KAZN: variants seen among roughly 807,000 people sequenced by gnomAD.
KAZN encodes the protein kazrin, periplakin interacting protein, also known as kazrin.
In KAZN, 40 loss-of-function variants were observed where a neutral mutation model predicts 87.4. The ratio of observed to expected loss-of-function variants is 0.46; its 90% CI spans 0.36 to 0.60. The LOEUF (loss-of-function observed/expected upper bound fraction) is 0.60, where lower values mean the gene tolerates loss of function less well. KAZN is among the 20% of genes least tolerant of loss of function. The pLI is 0.00. For missense variants in KAZN, 898 were observed against 1,073.9 expected, an observed-to-expected ratio of 0.84 and a Z score of 2.29; for synonymous variants, 466 against 458.3, an observed-to-expected ratio of 1.02 and a Z score of -0.22.
chr1:14,165,677 T>C (rs1348600514), intron 1 of KAZN, among the ~76,000 whole-genome samples: 1 of 152,228 alleles, frequency 6.6e-6, no homozygotes, highest in Non-Finnish European at 1.5e-5. Flanking sequence ...TCTGTTGTCA[T>C]CAGCACCCTC....
intron 1 of KAZN, among the ~76,000 whole-genome samples, chr1:14,054,124 GA>G (rs1203104831): frequency 6.7e-6 from 1 of 150,068 alleles, no homozygotes; most frequent in African/African-American, 2.5e-5. Context: ...TCTACAAGTT[GA>G]AAAAAAACTC....
At chr1:15,088,272 C>T (rs997334422) in intron 8 of KAZN, among the ~76,000 whole-genome samples, 3 of 152,168 alleles carry the variant, frequency 2.0e-5, no homozygotes, top group Admixed American at 6.5e-5. Context: ...CCTGGGAGGC[C>T]GTAGTCTGCT....
At chr1:14,355,580 A>C (rs767869809) in intron 2 of KAZN, among the ~76,000 whole-genome samples, 5 of 151,966 alleles carry the variant, frequency 3.3e-5, no homozygotes, top group Admixed American at 6.6e-5. Flanking sequence ...TCCATCCCCT[A>C]ATCTCCCAAC....
intron 2 of KAZN, among the ~76,000 whole-genome samples, chr1:14,218,420 A>G (rs1010487273): frequency 1.3e-5 from 2 of 152,136 alleles, no homozygotes; most frequent in Admixed American, 1.3e-4. Flanking sequence ...CTAAAAGAAA[A>G]CAGCTATTCT....
intron 2 of KAZN, among the ~76,000 whole-genome samples, chr1:15,032,227 T>C (rs13374853): frequency 0.8 from 109,064 of 135,852 alleles, 44,268 homozygotes; most frequent in Middle Eastern, 0.86. Context: ...GAATCTTGCT[T>C]TGTTGCCCAG....
chr1:14,021,125 G>A (rs1640805871), intron 1 of KAZN, among the ~76,000 whole-genome samples: 1 of 152,136 alleles, frequency 6.6e-6, no homozygotes, highest in South Asian at 2.1e-4. Context: ...CTGGTATGTG[G>A]GAGTTGTTCC....
chr1:14,967,466 C>G (rs569516968), intron 2 of KAZN, among the ~76,000 whole-genome samples: 4 of 152,280 alleles, frequency 2.6e-5, no homozygotes, highest in Admixed American at 1.3e-4. Flanking sequence ...AATGATGTCC[C>G]CCTCTCCCAA....
At chr1:14,799,937 C>G (rs748796417) in intron 1 of KAZN, among the ~76,000 whole-genome samples, 3 of 152,112 alleles carry the variant, frequency 2.0e-5, no homozygotes, top group Non-Finnish European at 4.4e-5. Flanking sequence ...ATAGATGTCC[C>G]CGAAGGCCAT....
At chr1:14,563,472 C>T (rs572269520) in intron 2 of KAZN, among the ~76,000 whole-genome samples, 23 of 152,326 alleles carry the variant, frequency 1.5e-4, no homozygotes, top group African/African-American at 5.3e-4. Context: ...GGTCTGTCTT[C>T]CAAACTCCTG....
In KAZN at chr1:15,094,340, G is replaced by A; in HGVS notation, c.1383G>A (p.Met461Ile). ...CCTGGCTGGAGGTGGTGATGGCCAT[G>A]CCTATGTACGTCAAGGCCTGCACGG... ...VQAWLEVVMA[M>I]PMYVKACTEN... The change falls in exon 9 of 15, where the codon ATG becomes ATA. Residue 461 changes from methionine (M) to isoleucine (I), a missense_variant. Physicochemically the swap from Met to Ile is conservative, Grantham distance 10. Transcript: ENST00000376030. This position sits in a 1 kb window ranked among gnomAD's most constrained non-coding sequence, Gnocchi z 4.5. The A allele has an allele frequency of 1.2e-6, 2 of 1,613,904 alleles. No homozygotes were observed.
At chr1:15,043,177 C>T (rs1389717190) in intron 3 of KAZN, among the ~76,000 whole-genome samples, 1 of 152,134 alleles carries the variant, frequency 6.6e-6, no homozygotes, top group Non-Finnish European at 1.5e-5. Flanking sequence ...AGGCTGTGAC[C>T]CTGTGGAGTG....
At chr1:15,110,056 CGTGT>C (rs1641468289) in intron 13 of KAZN, among the ~76,000 whole-genome samples, 2 of 61,566 alleles carry the variant, frequency 3.2e-5, no homozygotes, top group African/African-American at 1.5e-4. Flanking sequence ...TATATATGTG[CGTGT>C]GTGTGCCTGT....
chr1:14,940,149 G>GCCC (rs1660889575), intron 1 of KAZN, among the ~76,000 whole-genome samples: 1 of 152,190 alleles, frequency 6.6e-6, no homozygotes, highest in Non-Finnish European at 1.5e-5. Flanking sequence ...GGTATAGAGA[G>GCCC]CTGCTTCCTT....
chr1:14,344,917 C>CTT (rs35120179), intron 2 of KAZN, among the ~76,000 whole-genome samples: 7 of 142,506 alleles, frequency 4.9e-5, no homozygotes, highest in East Asian at 4.1e-4. Flanking sequence ...ATCCCCTCTT[C>CTT]TTTTTTTTTT....
chr1:14,005,588 C>T (rs1337159816), intron 1 of KAZN, among the ~76,000 whole-genome samples: 5 of 152,170 alleles, frequency 3.3e-5, no homozygotes, highest in Non-Finnish European at 5.9e-5. Context: ...AAGACATAAT[C>T]TGTTAATAAA....
At chr1:14,566,466 A>G (rs1674556309) in intron 2 of KAZN, among the ~76,000 whole-genome samples, 1 of 152,248 alleles carries the variant, frequency 6.6e-6, no homozygotes, top group Non-Finnish European at 1.5e-5. Context: ...GGAAATGAGC[A>G]TTGACTTCAA....
At chr1:13,987,377 T>C (rs959546370) in intron 1 of KAZN, among the ~76,000 whole-genome samples, 2 of 152,144 alleles carry the variant, frequency 1.3e-5, no homozygotes, top group African/African-American at 4.8e-5. Context: ...TGTGTCCATG[T>C]ATTCTTATTG....
chr1:14,806,059 G>A (rs902069888), intron 1 of KAZN, among the ~76,000 whole-genome samples: 4 of 152,302 alleles, frequency 2.6e-5, no homozygotes, highest in Non-Finnish European at 4.4e-5. Flanking sequence ...TGTTCCTGGA[G>A]GCCAGACTAT....
At chr1:14,070,247 G>A (rs1228455886) in intron 1 of KAZN, among the ~76,000 whole-genome samples, 2 of 150,974 alleles carry the variant, frequency 1.3e-5, no homozygotes, top group African/African-American at 4.9e-5. Flanking sequence ...TTAAAGGGAG[G>A]TGAAGGGATT....
Sources: allele counts gnomAD v4.1 joint callset (sites outside exome capture counted in the v4.1 genomes callset), GRCh38; gene constraint gnomAD v4.1.1; non-coding constraint Gnocchi (gnomAD v3.1); transcripts MANE v1.5; gene names NCBI Gene and HGNC (gene_info 2026-07-23, HGNC 2026-07-21).